The following FBXL17 variants were observed in gnomAD, a reference collection of about 807,000 sequenced individuals.
FBXL17 encodes F-box/LRR-repeat protein 17.
FBXL17 carries 22 observed loss-of-function variants against 66.2 expected under a neutral mutation model. The observed-to-expected ratio is 0.33, with a 90% CI of 0.24 to 0.47. The LOEUF is 0.47. FBXL17 is among the 20% of genes least tolerant of loss of function. The pLI, the probability that FBXL17 is intolerant of heterozygous loss-of-function variation, is 1.00. For missense variants in FBXL17, 878 were observed against 948.2 expected (o/e 0.93, Z 0.97); for synonymous variants, 474 against 400.5 (o/e 1.18, Z -2.19).
intron 3 of FBXL17, among the ~76,000 whole-genome samples, chr5:108,356,208 C>T (rs575538632): frequency 1.3e-5 from 2 of 152,016 alleles, no homozygotes; most frequent in South Asian, 2.1e-4. Context: ...GACATATGTA[C>T]CTAACAAGAG....
At chr5:108,327,221 C>G (rs1002430625) in intron 4 of FBXL17, among the ~76,000 whole-genome samples, 1 of 152,136 alleles carries the variant, frequency 6.6e-6, no homozygotes, top group Non-Finnish European at 1.5e-5. Flanking sequence ...AGAAGTAAAT[C>G]CAGACTTAGA....
intron 7 of FBXL17, among the ~76,000 whole-genome samples, chr5:107,907,810 G>A (rs985557770): frequency 7.1e-4 from 108 of 152,262 alleles, no homozygotes; most frequent in African/African-American, 2.6e-3. Context: ...TGCTGGAGAG[G>A]ATGTGGAGAA....
chr5:108,066,872 G>T (rs918799319), intron 6 of FBXL17, among the ~76,000 whole-genome samples: 1 of 151,890 alleles, frequency 6.6e-6, no homozygotes, highest in African/African-American at 2.4e-5. Flanking sequence ...ATAAAAATAT[G>T]AGAAAATTCT....
At chr5:108,145,810 G>A (rs979709452) in intron 6 of FBXL17, among the ~76,000 whole-genome samples, 3 of 136,744 alleles carry the variant, frequency 2.2e-5, no homozygotes, top group East Asian at 2.2e-4. Context: ...CTAAATTTTC[G>A]GTTGCCTAAA....
intron 4 of FBXL17, among the ~76,000 whole-genome samples, chr5:108,312,533 T>C (rs1759173757): frequency 6.6e-6 from 1 of 151,402 alleles, no homozygotes. Context: ...AAAGTATGAG[T>C]AAAAAAACTT....
In FBXL17 at chr5:108,048,821, C is replaced by G. The variant is rs536560214; in HGVS notation, c.1746-27820G>C. Among the ~76,000 whole-genome samples the G allele has an allele frequency of 1.3e-4, 20 of 152,118 alleles. No individual in the cohort carries two copies. In the South Asian group the frequency reaches 4.2e-3, roughly 32 times the overall value. On this transcript the variant is annotated intron_variant, in intron 6 of 8. Transcript: ENST00000542267. Reference sequence around the variant, plus strand: ...TATGGGACTACGTAAAAAGGCGGAACCTGGGATTGACTGGAGTACCTAAAG... The same window carrying G: ...TATGGGACTACGTAAAAAGGCGGAAGCTGGGATTGACTGGAGTACCTAAAG...
intron 6 of FBXL17, among the ~76,000 whole-genome samples, chr5:108,179,060 C>T (rs1752901851): frequency 6.6e-6 from 1 of 152,138 alleles, no homozygotes; most frequent in Admixed American, 6.5e-5. Flanking sequence ...ATGACATTCA[C>T]AGGAAGATGG....
At chr5:107,902,672 T>G (rs1749609212) in intron 7 of FBXL17, among the ~76,000 whole-genome samples, 1 of 152,206 alleles carries the variant, frequency 6.6e-6, no homozygotes, top group Non-Finnish European at 1.5e-5. Flanking sequence ...GATGTACTCT[T>G]GGAGACCATC....
intron 7 of FBXL17, among the ~76,000 whole-genome samples, chr5:107,904,885 C>A (rs1019755392): frequency 2.6e-5 from 4 of 151,756 alleles, no homozygotes; most frequent in Non-Finnish European, 4.4e-5. Context: ...GCTGAAGAAC[C>A]CCCAATTTTG....
At chr5:108,185,824 T>C (rs1753206500) in intron 6 of FBXL17, among the ~76,000 whole-genome samples, 1 of 152,162 alleles carries the variant, frequency 6.6e-6, no homozygotes, top group Non-Finnish European at 1.5e-5. Context: ...CTTACAAGCA[T>C]GGCAAAAAGC....
chr5:108,357,108 T>C (rs1373079501), intron 3 of FBXL17, among the ~76,000 whole-genome samples: 2 of 151,848 alleles, frequency 1.3e-5, no homozygotes, highest in Non-Finnish European at 2.9e-5. Context: ...GAGTTGTAAA[T>C]TGAGAGAAAA....
intron 3 of FBXL17, among the ~76,000 whole-genome samples, chr5:108,354,727 TAA>T: frequency 8.1e-6 from 1 of 123,532 alleles, no homozygotes; most frequent in Non-Finnish European, 1.8e-5. Flanking sequence ...AATCAAAGGT[TAA>T]AAAAAAAAAG....
intron 7 of FBXL17, among the ~76,000 whole-genome samples, chr5:107,974,955 T>C (rs1752522285): frequency 6.6e-6 from 1 of 152,150 alleles, no homozygotes; most frequent in Non-Finnish European, 1.5e-5. Context: ...CCCATTTAGT[T>C]TTCTGCTGGC....
intron 7 of FBXL17, among the ~76,000 whole-genome samples, chr5:107,934,648 T>A (rs958404384): frequency 2.0e-5 from 3 of 152,160 alleles, no homozygotes; most frequent in African/African-American, 4.8e-5. Context: ...CTAGCTCTGG[T>A]TACCATATCT....
chr5:107,946,400 T>G (rs1259375126), intron 7 of FBXL17, among the ~76,000 whole-genome samples: 1 of 143,972 alleles, frequency 6.9e-6, no homozygotes, highest in Non-Finnish European at 1.5e-5. Flanking sequence ...GCTTAAGTGA[T>G]CTGTTTCAGC....
chr5:108,117,915 T>C (rs1182677816), intron 6 of FBXL17, among the ~76,000 whole-genome samples: 1 of 152,154 alleles, frequency 6.6e-6, no homozygotes, highest in African/African-American at 2.4e-5. Flanking sequence ...CTACATTAGA[T>C]AGCTGAGAAA....
intron 5 of FBXL17, among the ~76,000 whole-genome samples, chr5:108,218,292 G>GCCA (rs1754701138): frequency 1.3e-5 from 2 of 152,012 alleles, no homozygotes; most frequent in Admixed American, 1.3e-4. Context: ...ACAGGTGTGA[G>GCCA]CCACCGCGCC....
At chr5:108,104,887 C>A (rs1340288455) in intron 6 of FBXL17, among the ~76,000 whole-genome samples, 1 of 152,054 alleles carries the variant, frequency 6.6e-6, no homozygotes, top group Non-Finnish European at 1.5e-5. Flanking sequence ...GTTGCCCAGG[C>A]TTGGAGTGCA....
chr5:108,259,576 A>G (rs1382712641), intron 4 of FBXL17, among the ~76,000 whole-genome samples: 1 of 152,134 alleles, frequency 6.6e-6, no homozygotes, highest in Non-Finnish European at 1.5e-5. Flanking sequence ...GAATATGACT[A>G]ATGGGGCTTT....
Sources: gnomAD v4.1 joint callset for allele counts (sites outside exome capture counted in the v4.1 genomes callset) on GRCh38, gnomAD v4.1.1 for gene constraint, MANE v1.5 for transcripts, NCBI Gene and HGNC (gene_info 2026-07-23, HGNC 2026-07-21) for gene names.